KIFAP3: variants seen among roughly 807,000 people sequenced by gnomAD.
The protein encoded by KIFAP3 is kinesin associated protein 3.
Under a neutral mutation model 106.5 loss-of-function variants are expected in KIFAP3, and 68 were observed. The observed-to-expected ratio is 0.64, with a 90% confidence interval of 0.53 to 0.78. The LOEUF (loss-of-function observed/expected upper bound fraction) is 0.78, where lower values mean the gene tolerates loss of function less well. Ranked by LOEUF, KIFAP3 falls within the 30% of genes least tolerant of loss-of-function variation. The pLI, the probability that KIFAP3 is intolerant of heterozygous loss-of-function variation, is 0.00. For missense variants in KIFAP3, 780 were observed against 941.8 expected, an observed-to-expected ratio of 0.83 and a Z score of 2.25; for synonymous variants, 320 against 311.5, an observed-to-expected ratio of 1.03 and a Z score of -0.29.
At chr1:169,976,974 C>T (rs1277631425) in intron 16 of KIFAP3, among the ~76,000 whole-genome samples, 1 of 152,038 alleles carries the variant, frequency 6.6e-6, no homozygotes, top group Non-Finnish European at 1.5e-5. Flanking sequence ...ATGCTCCCAC[C>T]TCAGGTTCCC....
chr1:169,990,085 C>T (rs917421992), intron 11 of KIFAP3: 83 of 1,435,872 alleles, frequency 5.8e-5, no homozygotes, highest in Admixed American at 4.1e-4. Flanking sequence ...TAATTTCAGA[C>T]ATGAACCTCC....
At chr1:169,951,497 A>G (rs1664729144) in intron 19 of KIFAP3, among the ~76,000 whole-genome samples, 1 of 151,904 alleles carries the variant, frequency 6.6e-6, no homozygotes, top group Non-Finnish European at 1.5e-5. Context: ...TAAAGGTACA[A>G]AGGTAAAAGG....
chr1:169,927,970 A>G (rs1663234832), intron 19 of KIFAP3, among the ~76,000 whole-genome samples: 1 of 152,238 alleles, frequency 6.6e-6, no homozygotes, highest in African/African-American at 2.4e-5. Context: ...AAGGGGGTTG[A>G]GAGGCAAAAT....
intron 17 of KIFAP3, among the ~76,000 whole-genome samples, chr1:169,966,513 A>C (rs1665639695): frequency 1.3e-5 from 2 of 151,106 alleles, no homozygotes; most frequent in Admixed American, 1.3e-4. Context: ...AAAGCCTTAA[A>C]AGTTTTTCCA....
intron 1 of KIFAP3, among the ~76,000 whole-genome samples, chr1:170,080,969 C>T (rs942373606): frequency 6.6e-6 from 1 of 152,098 alleles, no homozygotes; most frequent in African/African-American, 2.4e-5. Flanking sequence ...TTATCTTTAA[C>T]ATTTCCTTTA....
At chr1:170,017,102 C>T (rs899809295) in intron 9 of KIFAP3, among the ~76,000 whole-genome samples, 35 of 152,064 alleles carry the variant, frequency 2.3e-4, no homozygotes, top group African/African-American at 7.7e-4. Flanking sequence ...ACTAAAAATA[C>T]AAAACTTAGC....
chr1:170,003,666 A>G (rs1357584685), intron 10 of KIFAP3, among the ~76,000 whole-genome samples: 1 of 152,206 alleles, frequency 6.6e-6, no homozygotes, highest in African/African-American at 2.4e-5. Context: ...GGCTTCCTTC[A>G]GCTGTGGTGG....
intron 15 of KIFAP3, among the ~76,000 whole-genome samples, chr1:169,978,707 A>G (rs1422336751): frequency 1.3e-5 from 2 of 152,150 alleles, no homozygotes; most frequent in Non-Finnish European, 2.9e-5. Flanking sequence ...TATGTAATGG[A>G]AAAAGCATAA....
intron 10 of KIFAP3, among the ~76,000 whole-genome samples, chr1:169,992,744 T>C (rs1667165467): frequency 6.6e-6 from 1 of 152,138 alleles, no homozygotes; most frequent in Non-Finnish European, 1.5e-5. Context: ...TAAAATGCTA[T>C]AGGCTATAAC....
chr1:170,039,121 T>C (rs534143929), intron 4 of KIFAP3, 112 bp downstream of exon 4: 2 of 532,238 alleles, frequency 3.8e-6, no homozygotes, highest in East Asian at 6.0e-5. Context: ...CTGAGTTCAG[T>C]CATTTTTTAA....
intron 19 of KIFAP3, among the ~76,000 whole-genome samples, chr1:169,942,448 A>C (rs1350598058): frequency 6.6e-6 from 1 of 152,212 alleles, no homozygotes; most frequent in Non-Finnish European, 1.5e-5. Context: ...TTGGCCTGCA[A>C]CCACTTGACT....
chr1:169,973,886 A>G (rs1473126251), intron 16 of KIFAP3, among the ~76,000 whole-genome samples: 1 of 151,952 alleles, frequency 6.6e-6, no homozygotes, highest in Admixed American at 6.6e-5. Flanking sequence ...AGGAGACAGT[A>G]AATAAGGAAA....
intron 19 of KIFAP3, among the ~76,000 whole-genome samples, chr1:169,934,401 C>T (rs1170700372): frequency 6.6e-6 from 1 of 152,128 alleles, no homozygotes. Context: ...ATGAAACTTA[C>T]TGACAGATTC....
intron 1 of KIFAP3, among the ~76,000 whole-genome samples, chr1:170,062,531 G>A (rs1671234358): frequency 6.6e-6 from 1 of 152,110 alleles, no homozygotes; most frequent in African/African-American, 2.4e-5. Flanking sequence ...TCTGGTCAAG[G>A]TCATCAATTT....
At chr1:170,007,157 C>T (rs1296541568) in intron 10 of KIFAP3, among the ~76,000 whole-genome samples, 1 of 151,970 alleles carries the variant, frequency 6.6e-6, no homozygotes, top group Non-Finnish European at 1.5e-5. Context: ...GTGCAGGTCA[C>T]TGGAACTTGA....
intron 1 of KIFAP3, chr1:170,067,824 A>T (rs1383160435): frequency 6.6e-6 from 1 of 152,246 alleles, no homozygotes; most frequent in African/African-American, 2.4e-5. Context: ...AAAGCCCAAG[A>T]GGAAAGTCCA....
chr1:170,059,873 A>G (rs1470642901), intron 1 of KIFAP3, among the ~76,000 whole-genome samples: 1 of 152,256 alleles, frequency 6.6e-6, no homozygotes, highest in African/African-American at 2.4e-5. Flanking sequence ...TATGCAAATC[A>G]ATAAACGTAA....
chr1:170,027,380 G>A (rs1669170652), intron 8 of KIFAP3, among the ~76,000 whole-genome samples: 1 of 152,018 alleles, frequency 6.6e-6, no homozygotes, highest in Admixed American at 6.6e-5. Flanking sequence ...TAACTCACAA[G>A]GAAGAGAAAA....
Position 170,046,852 on chromosome 1 carries a change from C to T in KIFAP3, c.179G>A (p.Ser60Asn), listed in dbSNP as rs200386148. The T allele has an allele frequency of 7.5e-6, 12 of 1,602,572 alleles. No individual in the cohort carries two copies. Among genetic ancestry groups the T allele is most frequent in the African/African-American group, 1.3e-5 (1 of 74,628 alleles). Residue 60 changes from serine (S) to asparagine (N), a missense_variant, in exon 3 of 20, where the codon AGT (serine) becomes AAT (asparagine). Physicochemically the swap from Ser to Asn is conservative, Grantham distance 46. This residue lies in a region of KIFAP3 where 588 missense variants were observed against 678.9 expected (regional missense o/e 0.87). Coordinates refer to ENST00000361580, the MANE Select transcript of KIFAP3 (RefSeq NM_014970.4). Reference sequence around the variant, plus strand: ...AGTTATATCTGTGTTGGCATTGAGACTCTTAAGTCGAATGCTGTAAGTATA... The same window carrying T: ...AGTTATATCTGTGTTGGCATTGAGATTCTTAAGTCGAATGCTGTAAGTATA... ...KECQKIIRLK[S>N]LNANTDITSL...
Sources: allele counts gnomAD v4.1 joint callset (sites outside exome capture counted in the v4.1 genomes callset), GRCh38; gene constraint gnomAD v4.1.1; regional missense constraint gnomAD v4.1.1; transcripts MANE v1.5; gene names NCBI Gene and HGNC (gene_info 2026-07-23, HGNC 2026-07-21).